The following C10orf90 variants were observed in gnomAD, a reference collection of about 807,000 sequenced individuals.
The protein encoded by C10orf90 is (E2-independent) E3 ubiquitin-conjugating enzyme FATS.
C10orf90 carries 56 observed loss-of-function variants against 62.5 expected under a neutral mutation model. The observed-to-expected ratio is 0.90, with a 90% CI of 0.72 to 1.12. C10orf90 has a LOEUF of 1.12. C10orf90 is among the 50% of genes most tolerant of loss of function. C10orf90 has a pLI of 0.00. For synonymous variants in C10orf90, 386 were observed against 340.4 expected, an observed-to-expected ratio of 1.13 and a Z score of -1.47; for missense variants, 970 against 880.4, an observed-to-expected ratio of 1.10 and a Z score of -1.29.
intron 4 of C10orf90, among the ~76,000 whole-genome samples, chr10:126,492,700 A>G (rs1211416518): frequency 6.6e-6 from 1 of 152,262 alleles, no homozygotes; most frequent in Non-Finnish European, 1.5e-5. Flanking sequence ...GAAAAGATGC[A>G]AATTAATAAA....
intron 4 of C10orf90, among the ~76,000 whole-genome samples, chr10:126,467,705 C>T (rs771317916): frequency 6.6e-6 from 1 of 152,096 alleles, no homozygotes; most frequent in African/African-American, 2.4e-5. Context: ...CATGCCGTAG[C>T]GCAATAATCT....
chr10:126,603,805 G>A (rs954142233), intron 2 of C10orf90, among the ~76,000 whole-genome samples: 1 of 152,138 alleles, frequency 6.6e-6, no homozygotes, highest in Non-Finnish European at 1.5e-5. Flanking sequence ...GCCTCACAGT[G>A]GTGTGGTTGA....
chr10:126,600,948 T>C (rs1197644552), intron 2 of C10orf90, among the ~76,000 whole-genome samples: 2 of 152,214 alleles, frequency 1.3e-5, no homozygotes, highest in African/African-American at 2.4e-5. Context: ...CAAATGTCCA[T>C]TGACAGATGA....
chr10:126,605,329 G>A (rs937419974), intron 2 of C10orf90, among the ~76,000 whole-genome samples: 1 of 151,140 alleles, frequency 6.6e-6, no homozygotes, highest in Non-Finnish European at 1.5e-5. Context: ...TGCAAGCACA[G>A]GGCCCTCGTC....
At chr10:126,668,687 A>G (rs1203735359) in intron 1 of C10orf90, among the ~76,000 whole-genome samples, 1 of 152,142 alleles carries the variant, frequency 6.6e-6, no homozygotes, top group African/African-American at 2.4e-5. Flanking sequence ...CCCTTCCTGG[A>G]CAACTTGGGG....
chr10:126,526,987 GT>G (rs1223998069), intron 2 of C10orf90, among the ~76,000 whole-genome samples: 1 of 152,158 alleles, frequency 6.6e-6, no homozygotes, highest in East Asian at 1.9e-4. Flanking sequence ...CACTTGAGTT[GT>G]TCCCCCTGTG....
At chr10:126,491,728 G>A (rs952105716) in intron 4 of C10orf90, among the ~76,000 whole-genome samples, 14 of 152,184 alleles carry the variant, frequency 9.2e-5, no homozygotes, top group African/African-American at 3.1e-4. Flanking sequence ...ATAAGTCAGG[G>A]AAATCCTTGC....
chr10:126,655,873 C>T (rs1315180164), intron 1 of C10orf90, among the ~76,000 whole-genome samples: 4 of 151,544 alleles, frequency 2.6e-5, no homozygotes, highest in African/African-American at 9.7e-5. Flanking sequence ...AAGGCATTTC[C>T]AGCTCCCTGG....
In C10orf90 at chr10:126,666,339, ATAACT is replaced by A. The variant is rs1433685541; in HGVS notation, c.240+3897_240+3901del. On this transcript the variant is annotated intron_variant, in intron 1 of 9. Transcript: ENST00000488181. ...CTCAAAAGGGTCAAGCTGTTTTCAA[ATAACT>A]TAACAAAATCAAACACCAAACAATG... Among the ~76,000 whole-genome samples the A allele has an allele frequency of 2.6e-5, 4 of 152,238 alleles. 1 individual carries two copies. The highest frequency in any genetic ancestry group is 5.9e-5 in the Non-Finnish European group (4 of 68,044).
chr10:126,649,477 G>A (rs894507293), intron 1 of C10orf90, among the ~76,000 whole-genome samples: 1 of 151,866 alleles, frequency 6.6e-6, no homozygotes, highest in Non-Finnish European at 1.5e-5. Context: ...TTGGTCACAC[G>A]CTCACCCACC....
At position 126,426,072 on chromosome 10, in the gene C10orf90, C is replaced by T. The variant is rs200783026; in HGVS notation, c.2271G>A (p.Pro757=). 1.8e-5 allele frequency: 29 copies of T among 1,613,896 alleles called. No individual in the cohort carries two copies. The highest frequency in any genetic ancestry group is 1.6e-4 in the Middle Eastern group (1 of 6,062). The change falls in exon 9 of 10, where the codon CCG becomes CCA. Residue 757 remains proline (P), a synonymous_variant. Transcript: ENST00000488181. ...GTTCTTCTTTTTTCTTTTTAACTTC[C>T]GGCAAGTTATCATAGATTCTGAAAC... ...MRSKRIYDNL[P]EVKKKKEEQR... is the part of the protein sequence containing the mutation.
At chr10:126,475,193 A>AT (rs1374805051) in intron 4 of C10orf90, among the ~76,000 whole-genome samples, 1 of 152,204 alleles carries the variant, frequency 6.6e-6, no homozygotes, top group Non-Finnish European at 1.5e-5. Flanking sequence ...GGAGAGAACT[A>AT]TTTTGAAAGC....
At chr10:126,554,981 C>A (rs1380952249) in intron 2 of C10orf90, among the ~76,000 whole-genome samples, 1 of 152,194 alleles carries the variant, frequency 6.6e-6, no homozygotes, top group African/African-American at 2.4e-5. Flanking sequence ...CCTCAGGAGT[C>A]TTTTAAAATC....
intron 2 of C10orf90, among the ~76,000 whole-genome samples, chr10:126,518,301 G>A (rs935636936): frequency 6.6e-6 from 1 of 152,178 alleles, no homozygotes; most frequent in African/African-American, 2.4e-5. Flanking sequence ...GTTTTGAGGA[G>A]GCTCAGCCCT....
chr10:126,428,872 C>T (rs562097163), intron 8 of C10orf90, among the ~76,000 whole-genome samples: 2 of 152,170 alleles, frequency 1.3e-5, no homozygotes, highest in South Asian at 2.1e-4. Context: ...TTTAATGGGA[C>T]GGTCTCCCTT....
chr10:126,586,437 C>A (rs906159869), intron 2 of C10orf90, among the ~76,000 whole-genome samples: 2 of 152,206 alleles, frequency 1.3e-5, no homozygotes, highest in African/African-American at 4.8e-5. Context: ...AAAATCGGCA[C>A]GCGTTCTGAG....
intron 1 of C10orf90, 92 bp from the exon 2 acceptor site, chr10:126,646,729 A>G: frequency 3.4e-6 from 1 of 291,460 alleles, no homozygotes; most frequent in Non-Finnish European, 6.7e-6. Context: ...TTAATCAGGA[A>G]CATCCTGGAA....
intron 4 of C10orf90, among the ~76,000 whole-genome samples, chr10:126,490,051 T>A (rs1037829839): frequency 2.0e-4 from 18 of 90,834 alleles, no homozygotes; most frequent in South Asian, 2.8e-4. Flanking sequence ...TATTATATAT[T>A]ATGTTATATA....
chr10:126,436,186 C>G (rs1049143068), intron 7 of C10orf90, among the ~76,000 whole-genome samples: 10 of 152,176 alleles, frequency 6.6e-5, no homozygotes, highest in Non-Finnish European at 1.3e-4. Context: ...TTACCCAAGA[C>G]CAGAAACTTA....
Sources: gnomAD v4.1 joint callset for allele counts (sites outside exome capture counted in the v4.1 genomes callset) on GRCh38, gnomAD v4.1.1 for gene constraint, MANE v1.5 for transcripts, NCBI Gene and HGNC (gene_info 2026-07-23, HGNC 2026-07-21) for gene names.